Variants in ALX1 observed in about 807,000 individuals in gnomAD.
ALX1 encodes the protein ALX homeobox 1, also known as ALX homeobox protein 1.
ALX1 carries 19 observed loss-of-function variants against 31.7 expected under a neutral mutation model. That is an observed-to-expected ratio of 0.60 (90% confidence interval 0.42 to 0.88). The LOEUF (loss-of-function observed/expected upper bound fraction) is 0.88, where lower values mean the gene tolerates loss of function less well. Among genes scored for constraint, ALX1 ranks in the 40% least tolerant of loss-of-function variants. The pLI is 0.00. For synonymous variants in ALX1, 153 were observed against 148.8 expected (o/e 1.03, Z -0.20); for missense variants, 415 against 407.8 (o/e 1.02, Z -0.15).
chr12:85,281,063 T>A (rs147746524), intron 1 of ALX1, among the ~76,000 whole-genome samples: 1 of 152,042 alleles, frequency 6.6e-6, no homozygotes, highest in African/African-American at 2.4e-5. Context: ...TTCTAGCGTG[T>A]GTGAATTTGT....
At chr12:85,280,557 TC>T in intron 1 of ALX1, 70 bp downstream of exon 1, 1 of 1,521,700 alleles carries the variant, frequency 6.6e-7, no homozygotes, top group Non-Finnish European at 9.0e-7. Flanking sequence ...ATCGGTCTGA[TC>T]AGGCAGGGAG....
Position 85,283,633 on chromosome 12 carries a change from G to C in ALX1, c.288G>C (p.Met96Ile). 6.2e-7 allele frequency: 1 copy of C among 1,614,104 alleles called. No individual in the cohort carries two copies. The highest frequency in any genetic ancestry group is 8.5e-7 in the Non-Finnish European group (1 of 1,180,004). Residue 96 changes from methionine to isoleucine, a missense_variant, in exon 2 of 4, where the codon ATG (methionine) becomes ATC (isoleucine). Coordinates refer to ENST00000316824, the MANE Select transcript of ALX1 (RefSeq NM_006982.3). ...QPLHTELNRA[M>I]DNCNSLRMSP... ...TTCACACCGAACTGAATAGAGCTAT[G>C]GACAACTGTAACAGTCTCCGAATGT...
rs750883922 is a variant in ALX1 at position 85,280,399 on chromosome 12, A to G, written c.138A>G (p.Ala46=). 7 of 1,613,730 alleles carry G rather than the reference A, an allele frequency of 4.3e-6. No individual in the cohort carries two copies. The Admixed American group carries it at 8.3e-5, about 19-fold the overall frequency. The change falls in exon 1 of 4, where the codon GCA becomes GCG. Residue 46 remains alanine (A), a synonymous_variant. Coordinates refer to ENST00000316824, the MANE Select transcript of ALX1 (RefSeq NM_006982.3). ...DNESFYSKAS[A]GKCVQAFGPL... Reference sequence around the variant, plus strand: ...AGTCCTTTTACAGCAAAGCGTCTGCAGGCAAATGCGTGCAGGCCTTCGGAC... The same window carrying G: ...AGTCCTTTTACAGCAAAGCGTCTGCGGGCAAATGCGTGCAGGCCTTCGGAC...
chr12:85,291,359 C>G (rs1007997300), intron 3 of ALX1, among the ~76,000 whole-genome samples: 4 of 151,078 alleles, frequency 2.6e-5, no homozygotes, highest in African/African-American at 9.7e-5. Flanking sequence ...GCAAACACTT[C>G]TTGGTGCAAA....
intron 3 of ALX1, among the ~76,000 whole-genome samples, chr12:85,299,339 A>T (rs1051915180): frequency 6.6e-6 from 1 of 151,688 alleles, no homozygotes; most frequent in Middle Eastern, 3.2e-3. Context: ...ATAACTCAGC[A>T]ATCACTGATA....
intron 3 of ALX1, among the ~76,000 whole-genome samples, chr12:85,299,326 T>C (rs1056980605): frequency 6.6e-6 from 1 of 151,658 alleles, no homozygotes; most frequent in African/African-American, 2.4e-5. Flanking sequence ...TGGTTTGATA[T>C]ACATAACTCA....
chr12:85,297,883 A>T (rs1004664767), intron 3 of ALX1, among the ~76,000 whole-genome samples: 1 of 151,716 alleles, frequency 6.6e-6, no homozygotes, highest in Non-Finnish European at 1.5e-5. Flanking sequence ...ATTATTGAGT[A>T]TGGTGATTTG....
intron 3 of ALX1, among the ~76,000 whole-genome samples, chr12:85,290,357 A>G (rs1194808469): frequency 6.6e-6 from 1 of 151,150 alleles, no homozygotes. Flanking sequence ...TCAGGAGCCC[A>G]AAGATCTTTA....
At chr12:85,282,000 CAAA>C (rs1340927931) in intron 1 of ALX1, among the ~76,000 whole-genome samples, 2 of 152,120 alleles carry the variant, frequency 1.3e-5, no homozygotes, top group African/African-American at 4.8e-5. Flanking sequence ...TGAATTATAA[CAAA>C]GAAGTGTTAA....
At chr12:85,289,668 A>G (rs2137383684) in intron 3 of ALX1, among the ~76,000 whole-genome samples, 1 of 151,390 alleles carries the variant, frequency 6.6e-6, no homozygotes, top group East Asian at 1.9e-4. Flanking sequence ...ACTTTCTTGT[A>G]TTGGTAAATC....
At chr12:85,284,524 A>T (rs912126259) in intron 2 of ALX1, among the ~76,000 whole-genome samples, 1 of 152,262 alleles carries the variant, frequency 6.6e-6, no homozygotes, top group East Asian at 1.9e-4. Flanking sequence ...AATTTTGCAT[A>T]GGCAATAAAA....
intron 2 of ALX1, among the ~76,000 whole-genome samples, chr12:85,284,998 G>A (rs111453388): frequency 2.6e-5 from 4 of 152,150 alleles, no homozygotes; most frequent in African/African-American, 9.6e-5. Context: ...GTTTGTGGAA[G>A]CAAATGGTTA....
intron 3 of ALX1, among the ~76,000 whole-genome samples, chr12:85,297,164 ATGT>A (rs1482514273): frequency 3.3e-5 from 5 of 151,672 alleles, no homozygotes; most frequent in Non-Finnish European, 7.4e-5. Context: ...AGCTCAAATA[ATGT>A]TGTTGTTTAA....
chr12:85,286,466 C>T (rs560231585), intron 2 of ALX1, among the ~76,000 whole-genome samples: 19 of 152,002 alleles, frequency 1.2e-4, no homozygotes, highest in African/African-American at 1.7e-4. Context: ...GTTTACGTTA[C>T]GGCATATACA....
At chr12:85,287,358 CTG>C (rs970264992) in intron 3 of ALX1, among the ~76,000 whole-genome samples, 7 of 151,156 alleles carry the variant, frequency 4.6e-5, no homozygotes, top group African/African-American at 1.7e-4. Flanking sequence ...CATGCAATCT[CTG>C]TGGATATTGT....
At chr12:85,288,191 T>C (rs2137381802) in intron 3 of ALX1, among the ~76,000 whole-genome samples, 1 of 151,630 alleles carries the variant, frequency 6.6e-6, no homozygotes, top group South Asian at 2.1e-4. Context: ...AAGGAATTGG[T>C]TTGTGATCAT....
intron 3 of ALX1, among the ~76,000 whole-genome samples, chr12:85,292,940 A>T (rs1056998246): frequency 6.6e-6 from 1 of 150,908 alleles, no homozygotes; most frequent in African/African-American, 2.4e-5. Context: ...AAAATCTTTT[A>T]AAAATATTAC....
chr12:85,286,720 T>G, intron 2 of ALX1, 133 bp from the exon 3 acceptor site: 1 of 864,160 alleles, frequency 1.2e-6, no homozygotes, highest in Non-Finnish European at 1.7e-6. Flanking sequence ...TGGATCCTTT[T>G]CTAACATAAA....
chr12:85,282,611 CT>C (rs758709420), intron 1 of ALX1, among the ~76,000 whole-genome samples: 15 of 152,090 alleles, frequency 9.9e-5, no homozygotes, highest in Admixed American at 5.9e-4. Flanking sequence ...TTAAAAAGTG[CT>C]TCCCATTTCA....
Sources: allele counts gnomAD v4.1 joint callset (sites outside exome capture counted in the v4.1 genomes callset), GRCh38; gene constraint gnomAD v4.1.1; transcripts MANE v1.5; gene names NCBI Gene and HGNC (gene_info 2026-07-23, HGNC 2026-07-21).